The following ZNF75D variants were observed in gnomAD, a reference collection of about 807,000 sequenced individuals.
ZNF75D encodes zinc finger protein 75.
ZNF75D carries 33 observed loss-of-function variants against 33.3 expected under a neutral mutation model. That is an observed-to-expected ratio of 0.99 (90% CI 0.75 to 1.32). The LOEUF is 1.32. ZNF75D is among the 40% of genes most tolerant of loss of function. The probability of loss-of-function intolerance (pLI) is 0.00; values close to 1 mark genes in which losing one functional copy is unlikely to be tolerated. For missense variants in ZNF75D, 338 were observed against 367.5 expected (o/e 0.92, Z 0.66); for synonymous variants, 113 against 130.6 (o/e 0.87, Z 0.92).
intron 1 of ZNF75D, among the ~76,000 whole-genome samples, chrX:135,308,950 G>T (rs1556426654): frequency 8.9e-6 from 1 of 111,939 alleles, no homozygotes; most frequent in African/African-American, 3.2e-5. Context: ...ATAGCAGCCT[G>T]TAGGTTGTAG....
At chrX:135,333,908 G>T (rs782532233) in intron 1 of ZNF75D, among the ~76,000 whole-genome samples, 2 of 111,898 alleles carry the variant, frequency 1.8e-5, no homozygotes, top group Non-Finnish European at 3.8e-5. Flanking sequence ...AGGTACCCCA[G>T]TGAATCCCCT....
Position 135,342,323 on chromosome X carries a change from C to T in ZNF75D, c.-946G>A, listed in dbSNP as rs2084793977. On this transcript the variant is annotated 5_prime_UTR_variant, in exon 1 of 7. Coordinates refer to ENST00000370766, the MANE Select transcript of ZNF75D (RefSeq NM_007131.5). The stretch of plus-strand genomic sequence containing the variant: ...AGGTCCATGGTGTATGATCTAGGAA[C>T]CAACCTGCTATCACTTATCATCATG... The T allele has an allele frequency of 8.9e-6, 1 of 112,092 alleles. No homozygotes were observed. Among genetic ancestry groups the T allele is most frequent in the Non-Finnish European group, 1.9e-5 (1 of 53,235 alleles). The allele number at this position is 112,092 out of a possible 1,213,427, so 9.2% of individuals were successfully genotyped here. A position where few individuals can be genotyped will look rare whatever the true frequency, so the allele number is the denominator to read the frequency against.
intron 1 of ZNF75D, among the ~76,000 whole-genome samples, chrX:135,299,099 G>A (rs2084176604): frequency 8.9e-6 from 1 of 111,818 alleles, no homozygotes; most frequent in African/African-American, 3.2e-5. Flanking sequence ...GAACATTTGT[G>A]GACAAATTTT....
chrX:135,288,366 GCT>G (rs2083987446), intron 6 of ZNF75D, among the ~76,000 whole-genome samples: 1 of 112,583 alleles, frequency 8.9e-6, no homozygotes, highest in Non-Finnish European at 1.9e-5. Flanking sequence ...TGGAGTTTCT[GCT>G]CTTTTTTACA....
At chrX:135,290,964 A>G in intron 6 of ZNF75D, 45 bp downstream of exon 6, 2 of 1,164,123 alleles carry the variant, frequency 1.7e-6, no homozygotes, top group Non-Finnish European at 2.3e-6. Flanking sequence ...CAGAGGACAT[A>G]ATATATTACT....
intron 1 of ZNF75D, among the ~76,000 whole-genome samples, chrX:135,318,422 C>T (rs181461427): frequency 2.1e-4 from 23 of 110,949 alleles, no homozygotes; most frequent in Admixed American, 5.8e-4. Flanking sequence ...AGTGTTTCTA[C>T]ATAATGTCTA....
At chrX:135,302,192 T>G (rs1556424908) in intron 1 of ZNF75D, among the ~76,000 whole-genome samples, 1 of 112,348 alleles carries the variant, frequency 8.9e-6, no homozygotes, top group Non-Finnish European at 1.9e-5. Context: ...CATGTTCACT[T>G]TGGGGCAGAG....
At chrX:135,271,807 C>T (rs2083884008) in intron 1 of ZNF75D, among the ~76,000 whole-genome samples, 1 of 112,160 alleles carries the variant, frequency 8.9e-6, no homozygotes, top group African/African-American at 3.2e-5. Flanking sequence ...ACACAGAAGA[C>T]CACAACTGGG....
At chrX:135,301,468 A>T (rs1470152782) in intron 1 of ZNF75D, among the ~76,000 whole-genome samples, 1 of 111,998 alleles carries the variant, frequency 8.9e-6, no homozygotes, top group African/African-American at 3.3e-5. Context: ...CTCACCTGAG[A>T]CAAGACAAAA....
intron 1 of ZNF75D, among the ~76,000 whole-genome samples, chrX:135,258,660 A>G (rs971847036): frequency 1.8e-5 from 2 of 110,772 alleles, no homozygotes; most frequent in Non-Finnish European, 3.8e-5. Flanking sequence ...TTTTCTTGCA[A>G]ATTTCTTTGA....
chrX:135,252,086 A>C (rs2083781007), intron 2 of ZNF75D: 1 of 61,904 alleles, frequency 1.6e-5, no homozygotes, highest in Non-Finnish European at 2.9e-5. Context: ...AAGAAACCTG[A>C]GTGGTCTCAC....
At chrX:135,327,650 G>C in intron 1 of ZNF75D, 1 of 111,702 alleles carries the variant, frequency 9.0e-6, no homozygotes, top group Non-Finnish European at 1.9e-5. Flanking sequence ...CTATTCCCTG[G>C]CTCATGCAAA....
intron 1 of ZNF75D, among the ~76,000 whole-genome samples, chrX:135,319,926 T>C (rs1226436951): frequency 8.9e-5 from 10 of 112,786 alleles, no homozygotes; most frequent in African/African-American, 3.2e-4. Context: ...TTAAAAATTA[T>C]CTTTGCAATT....
chrX:135,249,345 T>C (rs1316141497), intron 3 of ZNF75D: 5 of 255,331 alleles, frequency 2.0e-5, no homozygotes, highest in African/African-American at 1.5e-4. Context: ...AGGAGAAGCA[T>C]CAAGTAGCCC....
At position 135,280,376 on chromosome X, in the gene ZNF75D, T is replaced by C. The variant is rs1454218047; in HGVS notation, n.828-24599A>G. Among the ~76,000 whole-genome samples, 3 of 112,235 alleles carry C rather than the reference T, an allele frequency of 2.7e-5. No individual in the cohort carries two copies. In the East Asian group the frequency reaches 8.4e-4, roughly 31 times the overall value. ...TCCATCCCTTTATCTTGAGCCTATGTGTGTCTTTGCACGTGAGATGGGTCT... is the reference window on the plus strand; with the variant it reads ...TCCATCCCTTTATCTTGAGCCTATGCGTGTCTTTGCACGTGAGATGGGTCT... On this transcript the variant is annotated intron_variant and non_coding_transcript_variant, in intron 1 of 3. Coordinates refer to the ZNF75D transcript ENST00000494295.
chrX:135,258,356 T>A (rs1184089746), intron 1 of ZNF75D, among the ~76,000 whole-genome samples: 2 of 110,673 alleles, frequency 1.8e-5, no homozygotes, highest in Non-Finnish European at 3.8e-5. Flanking sequence ...TTCTAGATCC[T>A]TGAGGAATCG....
At chrX:135,300,951 G>T (rs782001630) in intron 1 of ZNF75D, among the ~76,000 whole-genome samples, 1 of 111,212 alleles carries the variant, frequency 9.0e-6, no homozygotes, top group Non-Finnish European at 1.9e-5. Flanking sequence ...TTCAACAGGC[G>T]TATTAGTCTG....
Position 135,287,824 on chromosome X carries a change from A to G in ZNF75D, c.846T>C (p.Thr282=), listed in dbSNP as rs1218048629. The G allele has an allele frequency of 1.4e-5, 17 of 1,204,740 alleles. No homozygotes were observed. The Admixed American group carries it at 1.8e-4, about 13-fold the overall frequency. ...AAACAGATATAGGATGATCATTTCC[A>G]GTGTCATTTTTTAGCTTTAACCCTG... ...ISLGLKLKND[T]GNDHPISVST... is the part of the protein sequence containing the mutation. Residue 282 remains threonine, a synonymous_variant, in exon 7 of 7, where the codon ACT becomes ACC. Transcript: ENST00000370766.
intron 1 of ZNF75D, chrX:135,330,816 A>G (rs1387604186): frequency 8.9e-6 from 1 of 112,410 alleles, no homozygotes; most frequent in East Asian, 2.8e-4. Flanking sequence ...TACACTGGAC[A>G]GGGGATTCTA....
Sources: gnomAD v4.1 joint callset for allele counts (sites outside exome capture counted in the v4.1 genomes callset) on GRCh38, gnomAD v4.1.1 for gene constraint, MANE v1.5 for transcripts, NCBI Gene and HGNC (gene_info 2026-07-23, HGNC 2026-07-21) for gene names.